MRPS31: variants seen among roughly 807,000 people sequenced by gnomAD.
The protein encoded by MRPS31 is mitochondrial ribosomal protein S31, also known as small ribosomal subunit protein mS31.
A neutral mutation model predicts 43.1 loss-of-function variants in MRPS31; 32 were observed. The observed-to-expected ratio is 0.74, with a 90% CI of 0.56 to 1.00. The LOEUF (loss-of-function observed/expected upper bound fraction) is 1.00, where lower values mean the gene tolerates loss of function less well. Ranked by LOEUF, MRPS31 falls within the 50% of genes least tolerant of loss-of-function variation. The pLI, the probability that MRPS31 is intolerant of heterozygous loss-of-function variation, is 0.00. For missense variants in MRPS31, 437 were observed against 466.7 expected (o/e 0.94, Z 0.59); for synonymous variants, 165 against 161.6 (o/e 1.02, Z -0.16).
At chr13:40,737,985 T>C (rs1326965951) in intron 6 of MRPS31, among the ~76,000 whole-genome samples, 1 of 151,638 alleles carries the variant, frequency 6.6e-6, no homozygotes, top group Non-Finnish European at 1.5e-5. Flanking sequence ...TTCAAAAAAT[T>C]AATGAATCCA....
At chr13:40,747,661 C>T (rs1236899025) in intron 6 of MRPS31, among the ~76,000 whole-genome samples, 4 of 151,978 alleles carry the variant, frequency 2.6e-5, no homozygotes, top group Non-Finnish European at 4.4e-5. Flanking sequence ...GTGGATCACC[C>T]GAGGTCTGGA....
chr13:40,764,017 GA>G (rs1203271035), intron 2 of MRPS31, among the ~76,000 whole-genome samples: 1 of 152,200 alleles, frequency 6.6e-6, no homozygotes, highest in Non-Finnish European at 1.5e-5. Flanking sequence ...AAGATGAGTA[GA>G]GAAGACACAA....
At chr13:40,764,941 ATCAATGAAGGT>A (rs1165457865) in intron 2 of MRPS31, among the ~76,000 whole-genome samples, 2 of 152,246 alleles carry the variant, frequency 1.3e-5, no homozygotes, top group Admixed American at 1.3e-4. Context: ...TGGTAACCAT[ATCAATGAAGGT>A]TCAATATTTA....
chr13:40,730,459 AG>A, intron 6 of MRPS31, among the ~76,000 whole-genome samples: 1 of 152,314 alleles, frequency 6.6e-6, no homozygotes, highest in Middle Eastern at 3.4e-3. Context: ...CAAGAGGCAA[AG>A]GTTGTAGGGA....
intron 6 of MRPS31, among the ~76,000 whole-genome samples, chr13:40,730,079 CTAAT>C (rs1263074597): frequency 6.6e-6 from 1 of 151,934 alleles, no homozygotes; most frequent in Non-Finnish European, 1.5e-5. Flanking sequence ...TGACTTTGGA[CTAAT>C]TAATTAACTT....
intron 2 of MRPS31, 126 bp from the exon 3 acceptor site, chr13:40,759,232 T>C: frequency 1.6e-6 from 1 of 613,938 alleles, no homozygotes; most frequent in Non-Finnish European, 2.5e-6. Flanking sequence ...GAGTCAGGAG[T>C]TCGAGACCAG....
At chr13:40,759,608 C>T (rs766431971) in intron 2 of MRPS31, among the ~76,000 whole-genome samples, 26 of 152,110 alleles carry the variant, frequency 1.7e-4, no homozygotes, top group South Asian at 1.2e-3. Context: ...TATTAGGTAC[C>T]GGTTTTATAT....
chr13:40,768,333 G>C (rs1880906745), intron 1 of MRPS31, among the ~76,000 whole-genome samples: 1 of 152,000 alleles, frequency 6.6e-6, no homozygotes, highest in Non-Finnish European at 1.5e-5. Flanking sequence ...CTACAGCACT[G>C]CTTCTCAAAC....
intron 6 of MRPS31, among the ~76,000 whole-genome samples, chr13:40,739,309 A>C (rs1259290623): frequency 1.3e-5 from 2 of 152,342 alleles, no homozygotes; most frequent in East Asian, 3.9e-4. Context: ...AAATGGAAGA[A>C]CATTCCATGC....
At chr13:40,731,674 G>A (rs1354593292) in intron 6 of MRPS31, among the ~76,000 whole-genome samples, 1 of 151,850 alleles carries the variant, frequency 6.6e-6, no homozygotes, top group Non-Finnish European at 1.5e-5. Flanking sequence ...AATAATCTAA[G>A]TATACAAATT....
In MRPS31 at chr13:40,735,747, A is replaced by C. The variant is rs1471679651; in HGVS notation, c.959-6146T>G. Among the ~76,000 whole-genome samples the C allele has an allele frequency of 4.9e-4, 72 of 148,270 alleles. No individual in the cohort carries two copies. In the South Asian group the frequency reaches 7.5e-3, roughly 15 times the overall value. ...TGTCTGTTAGAAGGAAAACTAACAA[A>C]CAGAAAGGACATCCACACCAAAAAC... is the stretch of plus-strand genomic sequence containing the variant. On this transcript the variant is annotated intron_variant, in intron 6 of 6. Transcript: ENST00000323563.
At position 40,771,034 on chromosome 13, in the gene MRPS31, T is replaced by G; in HGVS notation, c.103A>C (p.Thr35Pro). ...TACCTGACTGTTCCGTGCCGAACAG[T>G]GAGTAGCATAATCGCAGCCGCTGAT... ...ETSAAAIMLL[T>P]VRHGTVRYRS... The change falls in exon 1 of 7, where the codon ACT (threonine) becomes CCT (proline). Residue 35 changes from threonine (T) to proline (P), a missense_variant. By Grantham distance (38) the Thr-to-Pro change is conservative. Coordinates refer to ENST00000323563, the MANE Select transcript of MRPS31 (RefSeq NM_005830.4). 6.2e-7 allele frequency: 1 copy of G among 1,613,614 alleles called. No homozygotes were observed. Among genetic ancestry groups the G allele is most frequent in the Non-Finnish European group, 8.5e-7 (1 of 1,179,908 alleles).
At chr13:40,744,604 C>T (rs1037893681) in intron 6 of MRPS31, among the ~76,000 whole-genome samples, 1 of 152,108 alleles carries the variant, frequency 6.6e-6, no homozygotes, top group Non-Finnish European at 1.5e-5. Flanking sequence ...CTCTGTAGCC[C>T]AGGCTGGAGT....
At chr13:40,759,235 G>A (rs1202548843) in intron 2 of MRPS31, 129 bp from the exon 3 acceptor site, 4 of 594,166 alleles carry the variant, frequency 6.7e-6, no homozygotes, top group Non-Finnish European at 1.1e-5. Flanking sequence ...TCAGGAGTTC[G>A]AGACCAGCCT....
At chr13:40,742,654 T>C (rs1880134805) in intron 6 of MRPS31, among the ~76,000 whole-genome samples, 1 of 152,216 alleles carries the variant, frequency 6.6e-6, no homozygotes, top group Non-Finnish European at 1.5e-5. Context: ...CTTTTCTCAC[T>C]GTTCTTGTTG....
At position 40,759,013 on chromosome 13, in the gene MRPS31, C is replaced by A. The variant is rs1271954397; in HGVS notation, c.534G>T (p.Leu178=). 11 of 1,608,450 alleles carry A rather than the reference C, an allele frequency of 6.8e-6. No individual in the cohort carries two copies. Among genetic ancestry groups the A allele is most frequent in the Non-Finnish European group, 9.3e-6 (11 of 1,178,000 alleles). ...FDKQTTKSEL[L]SQLQQHEEES... is the part of the protein sequence containing the mutation. ...CTTCCTCATGCTGCTGGAGCTGGCT[C>A]AGCAGCTCTGACTTGGTTGTTTGCT... Residue 178 remains leucine, a synonymous_variant, in exon 3 of 7, where the codon CTG becomes CTT. Coordinates refer to ENST00000323563, the MANE Select transcript of MRPS31 (RefSeq NM_005830.4).
intron 3 of MRPS31, among the ~76,000 whole-genome samples, chr13:40,757,239 T>A (rs1053254044): frequency 6.6e-6 from 1 of 152,198 alleles, no homozygotes; most frequent in African/African-American, 2.4e-5. Flanking sequence ...TTCAGAAATC[T>A]TCATTTAAAA....
chr13:40,750,144 T>C (rs1018111322), intron 5 of MRPS31, among the ~76,000 whole-genome samples: 3 of 152,130 alleles, frequency 2.0e-5, no homozygotes, highest in African/African-American at 4.8e-5. Context: ...AACAGGTGAA[T>C]AGGTACAAAA....
chr13:40,736,856 G>C (rs1289533228), intron 6 of MRPS31, among the ~76,000 whole-genome samples: 8 of 150,128 alleles, frequency 5.3e-5, no homozygotes, highest in Non-Finnish European at 1.0e-4. Context: ...ATCAAGACTA[G>C]GAAGAAACTG....
Sources: allele counts gnomAD v4.1 joint callset (sites outside exome capture counted in the v4.1 genomes callset), GRCh38; gene constraint gnomAD v4.1.1; transcripts MANE v1.5; gene names NCBI Gene and HGNC (gene_info 2026-07-23, HGNC 2026-07-21).